GPR161: variants seen among roughly 807,000 people sequenced by gnomAD.
The protein encoded by GPR161 is G protein-coupled receptor 161.
GPR161 carries 25 observed loss-of-function variants against 39.2 expected under a neutral mutation model. That is an observed-to-expected ratio of 0.64 (90% CI 0.47 to 0.89). The LOEUF (loss-of-function observed/expected upper bound fraction) is 0.89, where lower values mean the gene tolerates loss of function less well. Among genes scored for constraint, GPR161 ranks in the 40% least tolerant of loss-of-function variants. The pLI is 0.00. For synonymous variants in GPR161, 286 were observed against 276.6 expected, an observed-to-expected ratio of 1.03 and a Z score of -0.34; for missense variants, 547 against 677.8, an observed-to-expected ratio of 0.81 and a Z score of 2.14.
intron 1 of GPR161, among the ~76,000 whole-genome samples, chr1:168,132,509 A>G (rs1699071634): frequency 6.7e-6 from 1 of 149,864 alleles, no homozygotes; most frequent in Non-Finnish European, 1.5e-5. Flanking sequence ...AATGGCGTGA[A>G]CCCGGAAGAT....
At chr1:168,136,464 G>A (rs1031840759) in intron 1 of GPR161, 1 of 1,274,092 alleles carries the variant, frequency 7.8e-7, no homozygotes, top group Non-Finnish European at 9.9e-7. Flanking sequence ...AGCAGAATGG[G>A]GTGGGCCTCT....
chr1:168,087,881 G>C, intron 4 of GPR161, 177 bp from the exon 5 acceptor site: 1 of 595,698 alleles, frequency 1.7e-6, no homozygotes, highest in South Asian at 2.3e-5. Context: ...TCCTGTTTCA[G>C]GGAGTTTGCA....
intron 1 of GPR161, among the ~76,000 whole-genome samples, chr1:168,131,304 T>C (rs1300127819): frequency 1.3e-5 from 2 of 151,862 alleles, no homozygotes; most frequent in African/African-American, 4.8e-5. Flanking sequence ...TGCTATTCCC[T>C]GCCACCTGCA....
chr1:168,106,150 C>A (rs1377921217), intron 1 of GPR161, among the ~76,000 whole-genome samples: 1 of 152,200 alleles, frequency 6.6e-6, no homozygotes, highest in African/African-American at 2.4e-5. Flanking sequence ...TGTATTTGCT[C>A]TCAGATGTCT....
chr1:168,134,980 C>T (rs1699258524), intron 1 of GPR161: 1 of 1,535,438 alleles, frequency 6.5e-7, no homozygotes, highest in Non-Finnish European at 8.7e-7. Context: ...AGAGAGCTCG[C>T]AGCCCTCTGA....
intron 1 of GPR161, among the ~76,000 whole-genome samples, chr1:168,132,281 C>A (rs551651415): frequency 6.2e-5 from 9 of 145,486 alleles, no homozygotes; most frequent in African/African-American, 2.3e-4. Context: ...ATAAAATGCC[C>A]ATAACTGATA....
intron 1 of GPR161, among the ~76,000 whole-genome samples, chr1:168,124,740 G>A (rs968240837): frequency 6.6e-5 from 10 of 152,196 alleles, no homozygotes; most frequent in African/African-American, 2.4e-4. Context: ...TCAAAGGTGT[G>A]GCCTAGAGGT....
rs56209524 is a variant in GPR161, at chr1:168,110,538, GAAAGAAAAGAAAAGAAAAGAAAAGA to G, written c.-44-5669_-44-5645del. ...AAAAAAAAAACGAAAGAAAGGAAAG[GAAAGAAAAGAAAAGAAAAGAAAAGA>G]AAAGAAAAGAAAAGAAAAGAAAAGA... On this transcript the variant is annotated intron_variant, in intron 1 of 5. Transcript: ENST00000682931. Among the ~76,000 whole-genome samples, 496 of 79,614 alleles carry G rather than the reference GAAAGAAAAGAAAAGAAAAGAAAAGA, an allele frequency of 6.2e-3. 22 individuals carry two copies. Among genetic ancestry groups the G allele is most frequent in the African/African-American group, 0.021 (339 of 15,906 alleles). The allele number at this position is 79,614 out of a possible 152,430, so 52.2% of individuals were successfully genotyped here.
intron 1 of GPR161, among the ~76,000 whole-genome samples, chr1:168,113,598 G>A (rs1307018230): frequency 6.6e-6 from 1 of 152,218 alleles, no homozygotes; most frequent in Non-Finnish European, 1.5e-5. Flanking sequence ...GCCCATCAAT[G>A]ATAGACTGGA....
intron 1 of GPR161, chr1:168,136,311 G>T (rs774627519): frequency 2.7e-6 from 4 of 1,483,390 alleles, no homozygotes; most frequent in Admixed American, 4.4e-5. Flanking sequence ...CACACCCTTT[G>T]CCCTGAGCGG....
rs535739757 is a variant in GPR161, at chr1:168,098,296, G to A, written c.375-1064C>T. Among the ~76,000 whole-genome samples, 2 of 152,342 alleles carry A rather than the reference G, an allele frequency of 1.3e-5. No individual in the cohort carries two copies. The highest frequency in any genetic ancestry group is 2.4e-5 in the African/African-American group (1 of 41,572). On this transcript the variant is annotated intron_variant, in intron 2 of 5. Coordinates refer to ENST00000682931, the MANE Select transcript of GPR161 (RefSeq NM_001375883.1). The surrounding 1 kb of genome is among the most constrained non-coding windows in gnomAD (Gnocchi z 4.1). The stretch of plus-strand genomic sequence containing the variant: ...AGAGAAGGAAGCAGGCCGGGTGGAC[G>A]GGGCCGGGGCATGCAGAGCTAAGGA...
In GPR161 at chr1:168,084,962, C is replaced by A; in HGVS notation, c.*569G>T. 1 of 456,348 alleles carries A rather than the reference C, an allele frequency of 2.2e-6. No individual in the cohort carries two copies. The highest frequency in any genetic ancestry group is 3.3e-4 in the Middle Eastern group (1 of 3,076). 28.3% of individuals were successfully genotyped at this position (456,348 alleles called of 1,614,324 possible). On this transcript the variant is annotated 3_prime_UTR_variant, in exon 6 of 6. Coordinates refer to ENST00000682931, the MANE Select transcript of GPR161 (RefSeq NM_001375883.1). ...CCACTGAGGACCGCTCCGAAGCGCT[C>A]TGCTCCTGGGTGCTTTCTCTGCGGA...
chr1:168,091,811 C>T lies in GPR161; in HGVS notation c.1100-1143G>A, dbSNP rs762301991. On this transcript the variant is annotated intron_variant, in intron 3 of 5. Coordinates refer to ENST00000682931, the MANE Select transcript of GPR161 (RefSeq NM_001375883.1). Reference sequence around the variant, plus strand: ...AAAGGAACATGGAGATAACAAAACGCTCTTAGAAATTAAAAACAAAGCACA... The same window carrying T: ...AAAGGAACATGGAGATAACAAAACGTTCTTAGAAATTAAAAACAAAGCACA... 1.7e-3 allele frequency among the ~76,000 whole-genome samples: 257 copies of T among 152,198 alleles called. 3 individuals carry two copies. The highest frequency in any genetic ancestry group is 1.9e-3 in the Non-Finnish European group (129 of 68,012).
chr1:168,090,731 G>A (rs925659307), intron 3 of GPR161, 63 bp from the exon 4 acceptor site: 40 of 799,600 alleles, frequency 5.0e-5, no homozygotes, highest in African/African-American at 5.2e-5. Context: ...CCCAGCCTCC[G>A]TTTCCCCACA....
rs1202180359 is a variant in GPR161 at position 168,119,273 on chromosome 1, T to TAC, written c.-44-14380_-44-14379insGT. On this transcript the variant is annotated intron_variant, in intron 1 of 5. Transcript: ENST00000682931. ...ATATATATACGTATATATATGTGTA[T>TAC]ATATATATATATATACACATATATA... 1.6e-4 allele frequency among the ~76,000 whole-genome samples: 18 copies of TAC among 115,232 alleles called. 3 individuals are homozygous for TAC. In the East Asian group the frequency reaches 3.4e-3, roughly 22 times the overall value. The allele number at this position is 115,232 out of a possible 152,430, so 75.6% of individuals were successfully genotyped here. A position where few individuals can be genotyped will look rare whatever the true frequency, so the allele number is the denominator to read the frequency against.
intron 1 of GPR161, among the ~76,000 whole-genome samples, chr1:168,109,868 G>A (rs564652500): frequency 2.0e-5 from 3 of 152,256 alleles, no homozygotes; most frequent in Non-Finnish European, 4.4e-5. Context: ...TGGAGAGGCC[G>A]AGGCGGAGAA....
At chr1:168,108,511 A>AAAAAAAAAAAAAC (rs1696843739) in intron 1 of GPR161, among the ~76,000 whole-genome samples, 1 of 148,506 alleles carries the variant, frequency 6.7e-6, no homozygotes, top group Non-Finnish European at 1.5e-5. Context: ...AAAAAAAAAA[A>AAAAAAAAAAAAAC]ACTGGAAATA....
At chr1:168,085,969 G>A (rs1217803991) in intron 5 of GPR161, among the ~76,000 whole-genome samples, 173 bp from the exon 6 acceptor site, 4 of 152,096 alleles carry the variant, frequency 2.6e-5, no homozygotes, top group African/African-American at 7.2e-5. Context: ...CTTCCTACCT[G>A]GGAAATCTTG....
intron 1 of GPR161, among the ~76,000 whole-genome samples, chr1:168,124,538 T>C (rs745820924): frequency 3.1e-4 from 47 of 152,350 alleles, no homozygotes; most frequent in Non-Finnish European, 5.6e-4. Flanking sequence ...GCAATTCTAA[T>C]GGAAGCATTT....
Sources: gnomAD v4.1 joint callset for allele counts (sites outside exome capture counted in the v4.1 genomes callset) on GRCh38, gnomAD v4.1.1 for gene constraint, Gnocchi (gnomAD v3.1) non-coding constraint, MANE v1.5 for transcripts, NCBI Gene and HGNC (gene_info 2026-07-23, HGNC 2026-07-21) for gene names.